The following KRT18 variants were observed in gnomAD, a reference collection of about 807,000 sequenced individuals.
KRT18 encodes the protein keratin 18, also known as keratin, type I cytoskeletal 18.
Under a neutral mutation model 39.9 loss-of-function variants are expected in KRT18, and 8 were observed. That is an observed-to-expected ratio of 0.20 (90% CI 0.12 to 0.36). The LOEUF is 0.36. Ranked by LOEUF, KRT18 falls within the 10% of genes least tolerant of loss-of-function variation. KRT18 has a pLI of 1.00. For missense variants in KRT18, 396 were observed against 565.7 expected (o/e 0.70, Z 3.04); for synonymous variants, 194 against 227.8 (o/e 0.85, Z 1.33).
At chr12:52,952,396 C>A in intron 6 of KRT18, 54 bp downstream of exon 6, 1 of 1,276,022 alleles carries the variant, frequency 7.8e-7, no homozygotes, top group Non-Finnish European at 1.1e-6. Flanking sequence ...CACTTCTCCC[C>A]AAAGTCTGAG....
upstream of KRT18, chr12:52,948,928 G>A (rs1942401204): frequency 2.3e-6 from 1 of 434,088 alleles, no homozygotes; most frequent in African/African-American, 2.1e-5. Flanking sequence ...TGGCCACCCC[G>A]TTTCTGGGGG....
chr12:52,950,187 G>A (rs1942454854), intron 1 of KRT18, 141 bp from the exon 2 acceptor site: 1 of 764,622 alleles, frequency 1.3e-6, no homozygotes. Flanking sequence ...TAGATGAAAA[G>A]GGATAGGTGT....
chr12:52,950,745 T>C lies in KRT18; in HGVS notation c.501-5T>C, dbSNP rs1009491251. 22 of 1,609,506 alleles carry C rather than the reference T, an allele frequency of 1.4e-5. No homozygotes were observed. Among genetic ancestry groups the C allele is most frequent in the Non-Finnish European group, 1.8e-5 (21 of 1,178,856 alleles). ...GGGCCCCTCTGATCACCTCCACTCC[T>C]ATAGGTATGAGACAGAGCTGGCCAT... On this transcript the variant is annotated splice_region_variant and splice_polypyrimidine_tract_variant and intron_variant, in intron 2 of 6. Coordinates refer to ENST00000388835, the MANE Select transcript of KRT18 (RefSeq NM_000224.3).
intron 2 of KRT18, 153 bp from the exon 3 acceptor site, chr12:52,950,597 A>G (rs1942465829): frequency 1.2e-6 from 1 of 850,252 alleles, no homozygotes; most frequent in South Asian, 1.5e-5. Flanking sequence ...CTGTCCTCCA[A>G]GTGCCAAGAA....
In KRT18 at chr12:52,952,712, T is replaced by C; in HGVS notation, c.1173-10T>C. 2.5e-6 allele frequency: 4 copies of C among 1,612,482 alleles called. No individual in the cohort carries two copies. The highest frequency in any genetic ancestry group is 3.4e-6 in the Non-Finnish European group (4 of 1,180,000). On this transcript the variant is annotated splice_polypyrimidine_tract_variant and intron_variant, in intron 6 of 6. Transcript: ENST00000388835. ...GCTGTTTATAACTTGGGCTTGGTCT[T>C]CTGTTACAGTCTTGGTGATGCCTTG...
At chr12:52,950,465 G>A in intron 2 of KRT18, 55 bp downstream of exon 2, 1 of 1,303,796 alleles carries the variant, frequency 7.7e-7, no homozygotes, top group South Asian at 1.2e-5. Context: ...AGAAGGATCT[G>A]CTCCCCAGGC....
Position 52,949,607 on chromosome 12 carries a change from A to C in KRT18, c.417+17A>C. The stretch of plus-strand genomic sequence containing the variant: ...AGGGCTCAGGTAAGGGGTAGGAGGG[A>C]CCTCAACTCCCAGCCTTGTCTGACC... On this transcript the variant is annotated intron_variant, in intron 1 of 6. Transcript: ENST00000388835. 1 of 1,606,568 alleles carries C rather than the reference A, an allele frequency of 6.2e-7. No individual in the cohort carries two copies. The highest frequency in any genetic ancestry group is 8.5e-7 in the Non-Finnish European group (1 of 1,173,678).
chr12:52,950,420 G>A lies in KRT18; in HGVS notation c.500+10G>A. On this transcript the variant is annotated intron_variant, in intron 2 of 6. Coordinates refer to ENST00000388835, the MANE Select transcript of KRT18 (RefSeq NM_000224.3). ...ATGACTTTAGAGTCAAGTAAGTTTG[G>A]GGGCTAGAGAGCTGGGGGTCCAGGG... The A allele has an allele frequency of 6.3e-7, 1 of 1,593,094 alleles. No homozygotes were observed. The highest frequency in any genetic ancestry group is 1.1e-5 in the South Asian group (1 of 90,658).
rs773737254 is a variant in KRT18, at chr12:52,950,806, G to A, written c.557G>A (p.Arg186His). The A allele has an allele frequency of 1.7e-5, 28 of 1,610,444 alleles. No individual in the cohort carries two copies. Among genetic ancestry groups the A allele is most frequent in the African/African-American group, 1.2e-4 (9 of 74,784 alleles). ...QSVENDIHGL[R>H]KVIDDTNITR... ...GTGGAGAACGACATCCATGGGCTCC[G>A]CAAGGTCATTGATGACACCAATATC... is the stretch of plus-strand genomic sequence containing the variant. Residue 186 changes from arginine (R) to histidine (H), a missense_variant, in exon 3 of 7, where the codon CGC becomes CAC. Coordinates refer to ENST00000388835, the MANE Select transcript of KRT18 (RefSeq NM_000224.3).
At chr12:52,950,652 G>A in intron 2 of KRT18, 98 bp from the exon 3 acceptor site, 2 of 1,319,256 alleles carry the variant, frequency 1.5e-6, no homozygotes, top group Non-Finnish European at 2.1e-6. Flanking sequence ...CAAGTTGCTG[G>A]TTTGCAATGG....
intron 2 of KRT18, 82 bp from the exon 3 acceptor site, chr12:52,950,668 G>A (rs1008487910): frequency 6.8e-7 from 1 of 1,462,162 alleles, no homozygotes; most frequent in Non-Finnish European, 9.4e-7. Context: ...AATGGGCACA[G>A]AACTTCTCTT....
At position 52,952,191 on chromosome 12, in the gene KRT18, A is replaced by G; in HGVS notation, c.1021A>G (p.Ile341Val). The change falls in exon 6 of 7, where the codon ATC (isoleucine) becomes GTC (valine). Residue 341 changes from isoleucine (I) to valine (V), a missense_variant. Ile to Val is a conservative substitution (Grantham distance 29). Transcript: ENST00000388835. ...YALQMEQLNG[I>V]LLHLESELAQ... ...CCTACAGATGGAGCAGCTCAACGGG[A>G]TCCTGCTGCACCTTGAGTCAGAGCT... 1 of 1,589,698 alleles carries G rather than the reference A, an allele frequency of 6.3e-7. No individual in the cohort carries two copies. Among genetic ancestry groups the G allele is most frequent in the Non-Finnish European group, 8.6e-7 (1 of 1,168,426 alleles).
Position 52,951,620 on chromosome 12 carries a change from A to G in KRT18, c.797A>G (p.Glu266Gly). The change falls in exon 4 of 7, where the codon GAG (glutamate) becomes GGG (glycine). Residue 266 changes from glutamate (E) to glycine (G), a missense_variant. Physicochemically the swap from Glu to Gly is moderately conservative, Grantham distance 98. Coordinates refer to ENST00000388835, the MANE Select transcript of KRT18 (RefSeq NM_000224.3). ...YDELARKNRE[E>G]LDKYWSQQIE... ...GAGCTGGCTCGGAAGAACCGAGAGG[A>G]GCTAGACAAGTACTGGTCTCAGCAG... 3 of 1,613,848 alleles carry G rather than the reference A, an allele frequency of 1.9e-6. No individual in the cohort carries two copies. The highest frequency in any genetic ancestry group is 2.5e-6 in the Non-Finnish European group (3 of 1,179,992).
rs1169724462 is a variant in KRT18, at chr12:52,951,810, G to T, written c.902G>T (p.Arg301Leu). 6.2e-7 allele frequency: 1 copy of T among 1,610,272 alleles called. No homozygotes were observed. The highest frequency in any genetic ancestry group is 8.5e-7 in the Non-Finnish European group (1 of 1,179,984). ...AAETTLTELR[R>L]TVQSLEIDLD... Reference sequence around the variant, plus strand: ...GAGACGACGCTCACAGAGCTGAGACGTACAGTCCAGTCCTTGGAGATCGAC... The same window carrying T: ...GAGACGACGCTCACAGAGCTGAGACTTACAGTCCAGTCCTTGGAGATCGAC... The change falls in exon 5 of 7, where the codon CGT becomes CTT. Residue 301 changes from arginine to leucine, a missense_variant. Arg to Leu is a moderately radical substitution (Grantham distance 102, BLOSUM62 -2). Coordinates refer to ENST00000388835, the MANE Select transcript of KRT18 (RefSeq NM_000224.3).
chr12:52,950,272 C>A, intron 1 of KRT18, 56 bp from the exon 2 acceptor site: 1 of 1,264,976 alleles, frequency 7.9e-7, no homozygotes, highest in Non-Finnish European at 1.2e-6. Flanking sequence ...ACACACTCAC[C>A]CCACCCATCC....
At position 52,949,277 on chromosome 12, in the gene KRT18, T is replaced by C; in HGVS notation, c.104T>C (p.Val35Ala). The C allele has an allele frequency of 6.2e-7, 1 of 1,610,744 alleles. No homozygotes were observed. The highest frequency in any genetic ancestry group is 8.5e-7 in the Non-Finnish European group (1 of 1,179,706). The change falls in exon 1 of 7, where the codon GTC (valine) becomes GCC (alanine). Residue 35 changes from valine to alanine, a missense_variant. Coordinates refer to ENST00000388835, the MANE Select transcript of KRT18 (RefSeq NM_000224.3). ...GARPVSSAASVYAGAGGSGSR... is the reference protein window; with the variant it reads ...GARPVSSAASAYAGAGGSGSR... ...CGGCCGGTCAGCAGCGCGGCCAGCG[T>C]CTATGCAGGCGCTGGGGGCTCTGGT...
chr12:52,952,248 G>T lies in KRT18; in HGVS notation c.1078G>T (p.Ala360Ser). 6.2e-7 allele frequency: 1 copy of T among 1,605,818 alleles called. No homozygotes were observed. The highest frequency in any genetic ancestry group is 8.5e-7 in the Non-Finnish European group (1 of 1,177,128). The stretch of plus-strand genomic sequence containing the variant: ...GACCCGGGCAGAGGGACAGCGCCAG[G>T]CCCAGGAGTATGAGGCCCTGCTGAA... ...AQTRAEGQRQ[A>S]QEYEALLNIK... is the part of the protein sequence containing the mutation. Residue 360 changes from alanine to serine, a missense_variant, in exon 6 of 7, where the codon GCC (alanine) becomes TCC (serine). Ala to Ser is a moderately conservative substitution (Grantham distance 99). Transcript: ENST00000388835.
chr12:52,951,753 T>A lies in KRT18; in HGVS notation c.845T>A (p.Val282Asp). ...CAGATTGAGGAGAGCACCACAGTGG[T>A]CACCACACAGTCTGCTGAGGTTGGA... is the stretch of plus-strand genomic sequence containing the variant. Reference protein sequence around the residue: ...SQQIEESTTVVTTQSAEVGAA... With the variant: ...SQQIEESTTVDTTQSAEVGAA... Residue 282 changes from valine (V) to aspartate (D), a missense_variant, in exon 5 of 7, where the codon GTC becomes GAC. Coordinates refer to ENST00000388835, the MANE Select transcript of KRT18 (RefSeq NM_000224.3). 1 of 1,613,360 alleles carries A rather than the reference T, an allele frequency of 6.2e-7. No individual in the cohort carries two copies. The highest frequency in any genetic ancestry group is 1.7e-4 in the Middle Eastern group (1 of 5,916).
Position 52,949,266 on chromosome 12 carries a change from C to G in KRT18, c.93C>G (p.Ser31Arg). 1 of 1,611,014 alleles carries G rather than the reference C, an allele frequency of 6.2e-7. No individual in the cohort carries two copies. Among genetic ancestry groups the G allele is most frequent in the Non-Finnish European group, 8.5e-7 (1 of 1,179,790 alleles). ...GCTACGGCGCCCGGCCGGTCAGCAGCGCGGCCAGCGTCTATGCAGGCGCTG... is the reference window on the plus strand; with the variant it reads ...GCTACGGCGCCCGGCCGGTCAGCAGGGCGGCCAGCGTCTATGCAGGCGCTG... ...APSYGARPVS[S>R]AASVYAGAGG... The change falls in exon 1 of 7, where the codon AGC becomes AGG. Residue 31 changes from serine to arginine, a missense_variant. Coordinates refer to ENST00000388835, the MANE Select transcript of KRT18 (RefSeq NM_000224.3).
Sources: gnomAD v4.1 joint callset for allele counts on GRCh38, gnomAD v4.1.1 for gene constraint, MANE v1.5 for transcripts, NCBI Gene and HGNC (gene_info 2026-07-23, HGNC 2026-07-21) for gene names.